Variants in C1GALT1 observed in about 807,000 individuals in gnomAD.
C1GALT1 encodes glycoprotein-N-acetylgalactosamine 3-beta-galactosyltransferase 1.
C1GALT1 carries 11 observed loss-of-function variants against 31.0 expected under a neutral mutation model. The observed-to-expected ratio is 0.36, with a 90% CI of 0.22 to 0.59. The LOEUF (loss-of-function observed/expected upper bound fraction) is 0.59. Among genes scored for constraint, C1GALT1 ranks in the 20% least tolerant of loss-of-function variants. C1GALT1 has a pLI of 0.79. For missense variants in C1GALT1, 424 were observed against 425.2 expected, an observed-to-expected ratio of 1.00 and a Z score of 0.03; for synonymous variants, 175 against 143.6, an observed-to-expected ratio of 1.22 and a Z score of -1.56.
intron 1 of C1GALT1, among the ~76,000 whole-genome samples, chr7:7,190,287 G>C (rs553439729): frequency 6.6e-6 from 1 of 152,134 alleles, no homozygotes; most frequent in African/African-American, 2.4e-5. Context: ...CTGAGAAGCT[G>C]ACTCAGGATT....
At chr7:7,228,535 T>A (rs1303641763) in intron 1 of C1GALT1, among the ~76,000 whole-genome samples, 1 of 152,152 alleles carries the variant, frequency 6.6e-6, no homozygotes, top group African/African-American at 2.4e-5. Flanking sequence ...GGACATGATT[T>A]TTGCCAAAAA....
intron 2 of C1GALT1, among the ~76,000 whole-genome samples, chr7:7,161,088 C>T (rs1780328957): frequency 6.6e-6 from 1 of 152,026 alleles, no homozygotes; most frequent in Admixed American, 6.6e-5. Flanking sequence ...TGTGTACTGA[C>T]ATGTATTTTG....
chr7:7,221,733 G>C (rs894380058), intron 1 of C1GALT1, among the ~76,000 whole-genome samples: 1 of 152,228 alleles, frequency 6.6e-6, no homozygotes, highest in Admixed American at 6.5e-5. Flanking sequence ...AACTGTAGCA[G>C]ATGATGCCAG....
rs1348123214 is a variant in C1GALT1 at position 7,247,375 on chromosome 7, G to A, written c.*3648G>A. ...ATGGTATGCTTGTATTTTCTAGTGG[G>A]AAGTTCATAGATAAAGCAGATTTTT... On this transcript the variant is annotated 3_prime_UTR_variant, in exon 4 of 4. Transcript: ENST00000436587. 6.6e-6 allele frequency: 1 copy of A among 152,004 alleles called. No homozygotes were observed. Among genetic ancestry groups the A allele is most frequent in the African/African-American group, 2.4e-5 (1 of 41,404 alleles). 9.4% of individuals were successfully genotyped at this position (152,004 alleles called of 1,614,324 possible).
chr7:7,203,446 A>AAT (rs1781603991), intron 1 of C1GALT1, among the ~76,000 whole-genome samples: 1 of 152,104 alleles, frequency 6.6e-6, no homozygotes, highest in African/African-American at 2.4e-5. Context: ...AATTGAGAGG[A>AAT]CCATGTAGGG....
chr7:7,204,097 G>GTTTTTTTTT (rs74853892), intron 1 of C1GALT1, among the ~76,000 whole-genome samples: 10 of 129,550 alleles, frequency 7.7e-5, no homozygotes, highest in African/African-American at 8.7e-5. Flanking sequence ...CTCCTCTTCT[G>GTTTTTTTTT]TTTTTTTTTT....
chr7:7,171,561 A>G (rs929708680), intron 2 of C1GALT1, among the ~76,000 whole-genome samples: 6 of 152,116 alleles, frequency 3.9e-5, no homozygotes, highest in African/African-American at 1.2e-4. Context: ...CTTTGAGTGA[A>G]TAGTTTAATC....
intron 1 of C1GALT1, among the ~76,000 whole-genome samples, chr7:7,193,578 G>A (rs920619035): frequency 6.6e-6 from 1 of 152,120 alleles, no homozygotes; most frequent in African/African-American, 2.4e-5. Flanking sequence ...TTAGTTTGAA[G>A]TCGGGTAATG....
At position 7,233,706 on chromosome 7, in the gene C1GALT1, A is replaced by G. The variant is rs149656414; in HGVS notation, c.-17-597A>G. ...AAATGAATGGGCATGGGTGTGTTCA[A>G]ATAAAACTCTATTTACAAAAACAGG... On this transcript the variant is annotated intron_variant, in intron 1 of 3. Transcript: ENST00000436587. Among the ~76,000 whole-genome samples, 77 of 152,362 alleles carry G rather than the reference A, an allele frequency of 5.1e-4. No homozygotes were observed. In the East Asian group the frequency reaches 0.014, roughly 27 times the overall value.
chr7:7,201,795 T>TCCCTACCTGC, intron 1 of C1GALT1, among the ~76,000 whole-genome samples: 1 of 152,298 alleles, frequency 6.6e-6, no homozygotes, highest in East Asian at 1.9e-4. Flanking sequence ...GTTTCACGCT[T>TCCCTACCTGC]CCCTACCTGC....
At chr7:7,157,899 C>G (rs1359641744) in intron 2 of C1GALT1, among the ~76,000 whole-genome samples, 2 of 152,096 alleles carry the variant, frequency 1.3e-5, no homozygotes, top group Non-Finnish European at 2.9e-5. Context: ...GCTAAAATTG[C>G]TGTATTTTCC....
chr7:7,243,344 G>A (rs930688510), intron 3 of C1GALT1, among the ~76,000 whole-genome samples, 180 bp from the exon 4 acceptor site: 1 of 152,082 alleles, frequency 6.6e-6, no homozygotes, highest in South Asian at 2.1e-4. Flanking sequence ...TAAATCATTA[G>A]GATGTCTAAG....
intron 1 of C1GALT1, among the ~76,000 whole-genome samples, chr7:7,202,944 T>G (rs528653567): frequency 6.6e-6 from 1 of 152,274 alleles, no homozygotes; most frequent in East Asian, 1.9e-4. Flanking sequence ...TTCACTGTCT[T>G]GGTTAATTCC....
At chr7:7,208,004 C>A (rs533772826) in intron 1 of C1GALT1, among the ~76,000 whole-genome samples, 2 of 152,230 alleles carry the variant, frequency 1.3e-5, no homozygotes, top group East Asian at 3.9e-4. Flanking sequence ...ATAAACAGTT[C>A]ATAAGTTTTA....
chr7:7,171,120 G>C (rs1209463921), intron 2 of C1GALT1, among the ~76,000 whole-genome samples: 4 of 151,946 alleles, frequency 2.6e-5, no homozygotes, highest in Admixed American at 6.6e-5. Flanking sequence ...ACACATGTTA[G>C]GTCTAGTTGG....
At chr7:7,218,216 G>C (rs1782339604) in intron 1 of C1GALT1, among the ~76,000 whole-genome samples, 1 of 152,166 alleles carries the variant, frequency 6.6e-6, no homozygotes. Context: ...AAAATGGTCA[G>C]TCATCTGTAT....
chr7:7,200,098 T>G (rs989572066), intron 1 of C1GALT1, among the ~76,000 whole-genome samples: 1 of 152,198 alleles, frequency 6.6e-6, no homozygotes, highest in Non-Finnish European at 1.5e-5. Context: ...GTTAGCTGGT[T>G]ATTTTGCTCG....
At position 7,248,231 on chromosome 7, in the gene C1GALT1, T is replaced by C. The variant is rs1783925695; in HGVS notation, c.*4504T>C. The C allele has an allele frequency of 6.6e-6, 1 of 151,992 alleles. No individual in the cohort carries two copies. The highest frequency in any genetic ancestry group is 1.5e-5 in the Non-Finnish European group (1 of 67,878). 9.4% of individuals were successfully genotyped at this position (151,992 alleles called of 1,614,324 possible). On this transcript the variant is annotated 3_prime_UTR_variant, in exon 4 of 4. Coordinates refer to ENST00000436587, the MANE Select transcript of C1GALT1 (RefSeq NM_020156.5). ...AATAAGGAATTTTACAAATTCTCTT[T>C]AGAGCAACCAACATTAAAGTTTTAG...
At chr7:7,166,167 T>A (rs1780390939) in intron 2 of C1GALT1, among the ~76,000 whole-genome samples, 1 of 152,122 alleles carries the variant, frequency 6.6e-6, no homozygotes, top group African/African-American at 2.4e-5. Flanking sequence ...TCAGGGAGAA[T>A]AATTAGGTTT....
Sources: gnomAD v4.1 joint callset for allele counts (sites outside exome capture counted in the v4.1 genomes callset) on GRCh38, gnomAD v4.1.1 for gene constraint, MANE v1.5 for transcripts, NCBI Gene and HGNC (gene_info 2026-07-23, HGNC 2026-07-21) for gene names.